Variants in ADGRL3 observed in about 807,000 individuals in gnomAD.
ADGRL3 encodes the protein adhesion G protein-coupled receptor L3.
ADGRL3 carries 62 observed loss-of-function variants against 153.5 expected under a neutral mutation model. The ratio of observed to expected loss-of-function variants is 0.40; its 90% confidence interval spans 0.33 to 0.50. The LOEUF is 0.50. ADGRL3 is among the 20% of genes least tolerant of loss of function. The pLI is 0.47. For missense variants in ADGRL3, 1,641 were observed against 1,859.4 expected, an observed-to-expected ratio of 0.88 and a Z score of 2.16; for synonymous variants, 710 against 672.5, an observed-to-expected ratio of 1.06 and a Z score of -0.86.
intron 8 of ADGRL3, among the ~76,000 whole-genome samples, chr4:61,780,384 A>G (rs922082139): frequency 1.3e-5 from 2 of 152,208 alleles, no homozygotes; most frequent in Non-Finnish European, 2.9e-5. Context: ...TGATCTGTTC[A>G]TATGTTGGAG....
intron 4 of ADGRL3, among the ~76,000 whole-genome samples, chr4:61,519,360 T>C (rs958382784): frequency 1.3e-5 from 2 of 152,226 alleles, no homozygotes; most frequent in Non-Finnish European, 2.9e-5. Context: ...AGCTGTATTA[T>C]ATTCTGTTTT....
chr4:61,604,247 G>A (rs1013359151), intron 5 of ADGRL3, among the ~76,000 whole-genome samples: 1 of 152,032 alleles, frequency 6.6e-6, no homozygotes, highest in Non-Finnish European at 1.5e-5. Flanking sequence ...CTGAGACCTG[G>A]ATGCCTTCAT....
At chr4:62,025,554 G>T (rs183323855) in intron 21 of ADGRL3, among the ~76,000 whole-genome samples, 16 of 152,004 alleles carry the variant, frequency 1.1e-4, no homozygotes, top group African/African-American at 3.9e-4. Flanking sequence ...GCTCCTTTTC[G>T]AATATGGGTA....
intron 21 of ADGRL3, among the ~76,000 whole-genome samples, chr4:62,000,432 CATT>C (rs1279360150): frequency 7.9e-5 from 12 of 151,732 alleles, no homozygotes; most frequent in African/African-American, 2.9e-4. Context: ...TTTATGATAT[CATT>C]GTTTAGAAAA....
At chr4:61,935,140 G>T in intron 14 of ADGRL3, 117 bp downstream of exon 14, 1 of 818,868 alleles carries the variant, frequency 1.2e-6, no homozygotes, top group Non-Finnish European at 1.9e-6. Flanking sequence ...ATGGAGAAAA[G>T]TCATTCTTTT....
rs1033230362 is a variant in ADGRL3 at position 62,070,590 on chromosome 4, C to T, written c.4314C>T (p.Asn1438=). The T allele has an allele frequency of 9.0e-6, 14 of 1,551,460 alleles. No individual in the cohort carries two copies. Among genetic ancestry groups the T allele is most frequent in the South Asian group, 6.0e-5 (5 of 84,032 alleles). ...HSESFFPLLT[N]EHTEDLQSPH... ...AGAGCTTTTTCCCTTTGCTAACCAA[C>T]GAGCACACAGAAGATCTCCAGTCAC... The change falls in exon 27 of 27, where the codon AAC becomes AAT. Residue 1438 remains asparagine, a synonymous_variant. Transcript: ENST00000683033.
intron 21 of ADGRL3, among the ~76,000 whole-genome samples, chr4:62,009,677 C>A (rs2099175021): frequency 6.6e-6 from 1 of 152,100 alleles, no homozygotes; most frequent in African/African-American, 2.4e-5. Flanking sequence ...TTTTTTCACA[C>A]ATCTACCAGT....
intron 1 of ADGRL3, among the ~76,000 whole-genome samples, chr4:61,241,126 G>T (rs1453980700): frequency 6.6e-6 from 1 of 151,782 alleles, no homozygotes; most frequent in African/African-American, 2.4e-5. Flanking sequence ...TATAGCGAAG[G>T]TATAAATCTT....
chr4:61,561,034 G>A (rs1441847645), intron 4 of ADGRL3, among the ~76,000 whole-genome samples: 24 of 152,074 alleles, frequency 1.6e-4, no homozygotes, highest in Non-Finnish European at 4.4e-5. Flanking sequence ...TTGTCTCAAG[G>A]TGCCTAAGGA....
intron 8 of ADGRL3, among the ~76,000 whole-genome samples, chr4:61,804,864 T>C (rs1034018432): frequency 3.9e-5 from 6 of 152,062 alleles, no homozygotes; most frequent in African/African-American, 7.2e-5. Context: ...GGGGAGAGGG[T>C]TGGGGAGAGG....
At chr4:61,583,768 C>G in intron 4 of ADGRL3, 1 of 517,626 alleles carries the variant, frequency 1.9e-6, no homozygotes, top group Admixed American at 1.9e-5. Context: ...CCAATTTATT[C>G]AGCAGATATC....
At chr4:61,320,667 A>G (rs147980514) in intron 1 of ADGRL3, among the ~76,000 whole-genome samples, 99 of 152,344 alleles carry the variant, frequency 6.5e-4, no homozygotes, top group African/African-American at 2.4e-3. Context: ...TGTAAATGTT[A>G]TAACATCTAA....
intron 6 of ADGRL3, among the ~76,000 whole-genome samples, chr4:61,683,863 C>G (rs1015244012): frequency 5.3e-5 from 8 of 152,084 alleles, no homozygotes; most frequent in African/African-American, 1.9e-4. Context: ...CTCCTAGGCT[C>G]TAAGGATTCT....
At chr4:61,605,404 T>C (rs2149588072) in intron 5 of ADGRL3, among the ~76,000 whole-genome samples, 1 of 152,280 alleles carries the variant, frequency 6.6e-6, no homozygotes, top group Non-Finnish European at 1.5e-5. Flanking sequence ...CAGAGAGAAC[T>C]TGACATTTCA....
At chr4:61,626,038 T>A (rs949220706) in intron 5 of ADGRL3, among the ~76,000 whole-genome samples, 3 of 152,018 alleles carry the variant, frequency 2.0e-5, no homozygotes, top group African/African-American at 7.2e-5. Flanking sequence ...CTCTACAGTT[T>A]AAAATATATA....
intron 2 of ADGRL3, among the ~76,000 whole-genome samples, chr4:61,438,768 T>C (rs1210252253): frequency 2.7e-5 from 4 of 149,452 alleles, no homozygotes; most frequent in East Asian, 4.0e-4. Context: ...AGTGCAGTGG[T>C]GCGATCTCGG....
chr4:61,776,152 G>C (rs1327392032), intron 8 of ADGRL3, among the ~76,000 whole-genome samples: 1 of 152,052 alleles, frequency 6.6e-6, no homozygotes, highest in Non-Finnish European at 1.5e-5. Context: ...CACCCGCCTC[G>C]GCCTCCCAAA....
chr4:61,599,445 G>A (rs998070462), intron 5 of ADGRL3, among the ~76,000 whole-genome samples: 7 of 152,116 alleles, frequency 4.6e-5, no homozygotes, highest in South Asian at 2.1e-4. Context: ...AGATTCTCCC[G>A]CCTCAGCCTC....
chr4:61,790,304 A>G (rs1205808418), intron 8 of ADGRL3, among the ~76,000 whole-genome samples: 1 of 152,160 alleles, frequency 6.6e-6, no homozygotes, highest in Non-Finnish European at 1.5e-5. Context: ...GGAATATCAC[A>G]CAACTCCTTT....
Sources: allele counts gnomAD v4.1 joint callset (sites outside exome capture counted in the v4.1 genomes callset), GRCh38; gene constraint gnomAD v4.1.1; transcripts MANE v1.5; gene names NCBI Gene and HGNC (gene_info 2026-07-23, HGNC 2026-07-21).